Variants in CSMD3 observed in about 807,000 individuals in gnomAD.
CSMD3 encodes the protein CUB and Sushi multiple domains 3, also known as CUB and sushi domain-containing protein 3.
A neutral mutation model predicts 435.2 loss-of-function variants in CSMD3; 177 were observed. That is an observed-to-expected ratio of 0.41 (90% CI 0.36 to 0.46). The LOEUF is 0.46. CSMD3 is among the 20% of genes least tolerant of loss of function. CSMD3 has a pLI of 0.34. For missense variants in CSMD3, 4,265 were observed against 4,504.6 expected (o/e 0.95, Z 1.52); for synonymous variants, 1,656 against 1,520.5 (o/e 1.09, Z -2.07).
rs537206346 is a variant in CSMD3 at position 113,031,651 on chromosome 8, C to G, written c.918-12472G>C. Among the ~76,000 whole-genome samples the G allele has an allele frequency of 5.3e-5, 8 of 151,640 alleles. 1 individual carries two copies. Among genetic ancestry groups the G allele is most frequent in the Non-Finnish European group, 8.9e-5 (6 of 67,772 alleles). Reference sequence around the variant, plus strand: ...TACACTTGCACACTCACAATAAATGCCTGCAAAATTGGTGAAATCTGAATC... The same window carrying G: ...TACACTTGCACACTCACAATAAATGGCTGCAAAATTGGTGAAATCTGAATC... On this transcript the variant is annotated intron_variant, in intron 5 of 70. Coordinates refer to ENST00000297405, the MANE Select transcript of CSMD3 (RefSeq NM_198123.2).
intron 1 of CSMD3, among the ~76,000 whole-genome samples, chr8:113,318,603 A>T (rs984034148): frequency 6.6e-6 from 1 of 152,098 alleles, no homozygotes; most frequent in African/African-American, 2.4e-5. Context: ...CACCCATGGA[A>T]ATCACTGTTT....
At chr8:112,677,395 T>C (rs924706019) in intron 16 of CSMD3, among the ~76,000 whole-genome samples, 1 of 149,972 alleles carries the variant, frequency 6.7e-6, no homozygotes, top group Non-Finnish European at 1.5e-5. Flanking sequence ...TTTACTTCAT[T>C]GTATAAAACA....
intron 13 of CSMD3, among the ~76,000 whole-genome samples, chr8:112,723,191 G>T (rs1446145290): frequency 1.3e-5 from 2 of 152,026 alleles, no homozygotes; most frequent in Non-Finnish European, 2.9e-5. Flanking sequence ...CAGACAGAAA[G>T]AAAAGCCAAT....
At chr8:112,383,505 T>C in intron 37 of CSMD3, 62 bp downstream of exon 37, 1 of 952,056 alleles carries the variant, frequency 1.1e-6, no homozygotes, top group Non-Finnish European at 1.7e-6. Context: ...AGATAGCTCT[T>C]TAATTTTTTT....
chr8:113,321,936 G>C (rs2132711246), intron 1 of CSMD3, among the ~76,000 whole-genome samples: 1 of 152,250 alleles, frequency 6.6e-6, no homozygotes, highest in East Asian at 1.9e-4. Flanking sequence ...CTTTAAAATT[G>C]CAGTATTTTA....
At chr8:112,656,786 T>C (rs1189817129) in intron 17 of CSMD3, among the ~76,000 whole-genome samples, 2 of 152,126 alleles carry the variant, frequency 1.3e-5, no homozygotes, top group Non-Finnish European at 2.9e-5. Context: ...TTCAAGTGTT[T>C]TTTATTGATA....
chr8:112,629,633 G>A (rs377451743), intron 22 of CSMD3, among the ~76,000 whole-genome samples: 94 of 152,220 alleles, frequency 6.2e-4, no homozygotes, highest in African/African-American at 2.1e-3. Flanking sequence ...AGTAGAAGAC[G>A]CTAAAGCCAA....
chr8:112,698,276 T>TA (rs2076303937), intron 13 of CSMD3, among the ~76,000 whole-genome samples: 1 of 152,092 alleles, frequency 6.6e-6, no homozygotes, highest in South Asian at 2.1e-4. Flanking sequence ...ACTGAAATGT[T>TA]AAAAAATCGT....
intron 4 of CSMD3, among the ~76,000 whole-genome samples, chr8:113,163,598 TA>T (rs2092089769): frequency 6.6e-6 from 1 of 151,962 alleles, no homozygotes; most frequent in Non-Finnish European, 1.5e-5. Context: ...AAAATTAAGA[TA>T]ATATTAATGC....
chr8:112,518,705 A>C (rs1421798516), intron 27 of CSMD3, among the ~76,000 whole-genome samples: 1 of 151,676 alleles, frequency 6.6e-6, no homozygotes, highest in East Asian at 1.9e-4. Flanking sequence ...AATGGTTTCT[A>C]CCCAAACTAA....
At chr8:113,200,662 T>A (rs1442117045) in intron 3 of CSMD3, among the ~76,000 whole-genome samples, 4 of 151,116 alleles carry the variant, frequency 2.6e-5, no homozygotes, top group Admixed American at 2.6e-4. Flanking sequence ...AGGGAGTAAG[T>A]GTAGAAATAG....
intron 4 of CSMD3, among the ~76,000 whole-genome samples, chr8:113,148,348 A>G (rs1213823078): frequency 1.3e-5 from 2 of 151,762 alleles, no homozygotes; most frequent in African/African-American, 4.8e-5. Flanking sequence ...TAAAGTCTGA[A>G]AGTCATTTCC....
At chr8:112,989,468 T>C (rs1339941164) in intron 6 of CSMD3, among the ~76,000 whole-genome samples, 6 of 152,034 alleles carry the variant, frequency 3.9e-5, no homozygotes, top group Non-Finnish European at 4.4e-5. Flanking sequence ...ACATACTGAG[T>C]TTCTACCTTT....
intron 38 of CSMD3, among the ~76,000 whole-genome samples, chr8:112,355,137 T>G: frequency 6.6e-6 from 1 of 152,234 alleles, no homozygotes; most frequent in East Asian, 1.9e-4. Context: ...CTAGGATAAC[T>G]GGCTAGCCAT....
At chr8:112,805,027 A>G (rs1352398555) in intron 12 of CSMD3, among the ~76,000 whole-genome samples, 2 of 152,084 alleles carry the variant, frequency 1.3e-5, no homozygotes, top group Non-Finnish European at 2.9e-5. Flanking sequence ...TAATGAACAC[A>G]CGTTGTTGGT....
At position 112,664,536 on chromosome 8, in the gene CSMD3, T is replaced by C. The variant is rs1314090125; in HGVS notation, c.2816+1741A>G. Among the ~76,000 whole-genome samples the C allele has an allele frequency of 2.0e-5, 3 of 152,240 alleles. No individual in the cohort carries two copies. In the East Asian group the frequency reaches 5.8e-4, roughly 29 times the overall value. ...GCAACAACAACAACAAAATGCCAAA[T>C]GAATGTAAATGAAAATTTTTAAAAA... On this transcript the variant is annotated intron_variant, in intron 17 of 70. Coordinates refer to ENST00000297405, the MANE Select transcript of CSMD3 (RefSeq NM_198123.2).
At chr8:112,228,135 G>C (rs921599114) in intron 70 of CSMD3, among the ~76,000 whole-genome samples, 1 of 152,112 alleles carries the variant, frequency 6.6e-6, no homozygotes, top group African/African-American at 2.4e-5. Flanking sequence ...CTTGATAAGG[G>C]ATTGTCCCAA....
chr8:113,312,430 A>G (rs2093876744), intron 2 of CSMD3: 1 of 152,296 alleles, frequency 6.6e-6, no homozygotes, highest in Non-Finnish European at 1.5e-5. Flanking sequence ...TCTGTGAATT[A>G]AGTGCTATTA....
intron 7 of CSMD3, among the ~76,000 whole-genome samples, chr8:112,972,043 A>G (rs72682185): frequency 0.027 from 4,136 of 151,998 alleles, 74 homozygotes; most frequent in Non-Finnish European, 0.042. Context: ...TAATTTATCT[A>G]TGTGTTAATT....
Sources: gnomAD v4.1 joint callset for allele counts (sites outside exome capture counted in the v4.1 genomes callset) on GRCh38, gnomAD v4.1.1 for gene constraint, MANE v1.5 for transcripts, NCBI Gene and HGNC (gene_info 2026-07-23, HGNC 2026-07-21) for gene names.